The following ZRSR2 variants were observed in gnomAD, a reference collection of about 807,000 sequenced individuals.
ZRSR2 encodes zinc finger CCCH-type, RNA binding motif and serine/arginine rich 2.
In ZRSR2, 3 loss-of-function variants were observed where a neutral mutation model predicts 39.4. The observed-to-expected ratio is 0.08, with a 90% CI of 0.03 to 0.20. The LOEUF is 0.20. Ranked by LOEUF, ZRSR2 falls within the 10% of genes least tolerant of loss-of-function variation. ZRSR2 has a pLI of 1.00. For synonymous variants in ZRSR2, 137 were observed against 136.0 expected (o/e 1.01, Z -0.05); for missense variants, 256 against 391.5 (o/e 0.65, Z 2.92).
At chrX:15,820,131 G>C in intron 9 of ZRSR2, 76 bp from the exon 10 acceptor site, 1 of 826,686 alleles carries the variant, frequency 1.2e-6, no homozygotes. Flanking sequence ...ATTAATAACG[G>C]GGTTAATTAA....
In ZRSR2 at chrX:15,815,732, A is replaced by C; in HGVS notation, c.613A>C (p.Met205Leu). 1.7e-6 allele frequency: 2 copies of C among 1,210,859 alleles called. No homozygotes were observed. The highest frequency in any genetic ancestry group is 2.2e-6 in the Non-Finnish European group (2 of 894,807). The change falls in exon 8 of 11, where the codon ATG (methionine) becomes CTG (leucine). Residue 205 changes from methionine (M) to leucine (L), a missense_variant. Physicochemically the swap from Met to Leu is conservative, Grantham distance 15. Coordinates refer to ENST00000307771, the MANE Select transcript of ZRSR2 (RefSeq NM_005089.4). ...CAGTCCTACCCTTCTTATTAAGAGC[A>C]TGTTTACGACGTTTGGAATGGAGCA... ...TSSPTLLIKS[M>L]FTTFGMEQCR... is the part of the protein sequence containing the mutation.
chrX:15,804,781 G>C (rs1433273511), intron 5 of ZRSR2, among the ~76,000 whole-genome samples: 1 of 111,189 alleles, frequency 9.0e-6, no homozygotes, highest in African/African-American at 3.3e-5. Context: ...AAATATTGAG[G>C]AACTAGGAAA....
At chrX:15,791,140 C>A in intron 2 of ZRSR2, 127 bp downstream of exon 2, 1 of 556,613 alleles carries the variant, frequency 1.8e-6, no homozygotes, top group Non-Finnish European at 3.0e-6. Flanking sequence ...GTGACTTCTG[C>A]CCCCAAGTAG....
intron 2 of ZRSR2, 104 bp downstream of exon 2, chrX:15,791,117 A>G (rs547779707): frequency 2.8e-6 from 2 of 708,269 alleles, no homozygotes; most frequent in African/African-American, 4.3e-5. Flanking sequence ...ATTGTGTCGG[A>G]GGAAAAATAG....
intron 2 of ZRSR2, among the ~76,000 whole-genome samples, chrX:15,798,418 C>T (rs1932551591): frequency 8.9e-6 from 1 of 112,125 alleles, no homozygotes. Context: ...TATCCATGAA[C>T]CCTTCAGCAA....
intron 2 of ZRSR2, among the ~76,000 whole-genome samples, chrX:15,798,855 G>C (rs1932567070): frequency 9.0e-6 from 1 of 111,393 alleles, no homozygotes; most frequent in Admixed American, 9.6e-5. Context: ...TTCACATCAG[G>C]TTGTTGCACT....
chrX:15,823,022 G>T lies in ZRSR2; in HGVS notation c.1229G>T (p.Arg410Leu). 2.5e-6 allele frequency: 3 copies of T among 1,211,979 alleles called. No homozygotes were observed. In the South Asian group the frequency reaches 5.3e-5, roughly 21 times the overall value. The change falls in exon 11 of 11, where the codon CGC (arginine) becomes CTC (leucine). Residue 410 changes from arginine to leucine, a missense_variant. Around this residue, in one of 3 missense-constraint regions of ZRSR2, gnomAD observed 111 missense variants for 116.7 expected, o/e 0.95. Transcript: ENST00000307771. ...CACAGGGGGAAGAAATCTCACAAAC[G>T]CACATCAAAGAGTCGGGAGAGGCAC... is the stretch of plus-strand genomic sequence containing the variant. Reference protein sequence around the residue: ...SRHRGKKSHKRTSKSRERHNS... With the variant: ...SRHRGKKSHKLTSKSRERHNS...
intron 2 of ZRSR2, among the ~76,000 whole-genome samples, chrX:15,799,639 A>G (rs1477876508): frequency 9.1e-6 from 1 of 110,348 alleles, no homozygotes; most frequent in Non-Finnish European, 1.9e-5. Flanking sequence ...TTTAAGTATA[A>G]TTGTGGAACC....
intron 2 of ZRSR2, among the ~76,000 whole-genome samples, chrX:15,798,780 C>G (rs965586009): frequency 8.9e-6 from 1 of 112,120 alleles, no homozygotes; most frequent in East Asian, 2.8e-4. Context: ...GGTAACAACA[C>G]TCTTTAGAAC....
chrX:15,803,799 A>G lies in ZRSR2; in HGVS notation c.312+3A>G. On this transcript the variant is annotated splice_donor_region_variant and intron_variant, in intron 4 of 10. Coordinates refer to ENST00000307771, the MANE Select transcript of ZRSR2 (RefSeq NM_005089.4). The stretch of plus-strand genomic sequence containing the variant: ...AAAAACGGCAAGAAGAACAAGAGGT[A>G]TGGTAGGAATCACGTAACTAGTGAA... 9.3e-6 allele frequency: 11 copies of G among 1,185,628 alleles called. No individual in the cohort carries two copies. The highest frequency in any genetic ancestry group is 1.2e-5 in the Non-Finnish European group (11 of 881,492).
Position 15,809,353 on chromosome X carries a change from T to C in ZRSR2, c.557+35T>C, listed in dbSNP as rs759071060. 8 of 1,010,443 alleles carry C rather than the reference T, an allele frequency of 7.9e-6. No homozygotes were observed. The African/African-American group carries it at 1.3e-4, about 17-fold the overall frequency. 83.3% of individuals were successfully genotyped at this position (1,010,443 alleles called of 1,213,427 possible). A position where few individuals can be genotyped will look rare whatever the true frequency, so the allele number is the denominator to read the frequency against. On this transcript the variant is annotated intron_variant, in intron 7 of 10. Transcript: ENST00000307771. ...TTTGTTTTATCATGTCAGAATGAAG[T>C]GATTCAAAATGCTGACGTTTTTGAG...
Position 15,822,904 on chromosome X carries a change from G to A in ZRSR2, c.1111G>A (p.Asp371Asn), listed in dbSNP as rs1420213041. 8.2e-7 allele frequency: 1 copy of A among 1,212,256 alleles called. No individual in the cohort carries two copies. Among genetic ancestry groups the A allele is most frequent in the South Asian group, 1.8e-5 (1 of 57,046 alleles). ...AAGGAGGGAGAGGATGGGCCACCACGACGACTACTACAGCAGGCTGCGGGG... is the reference window on the plus strand; with the variant it reads ...AAGGAGGGAGAGGATGGGCCACCACAACGACTACTACAGCAGGCTGCGGGG... ...SERRERMGHH[D>N]DYYSRLRGRR... is the part of the protein sequence containing the mutation. The change falls in exon 11 of 11, where the codon GAC becomes AAC. Residue 371 changes from aspartate (D) to asparagine (N), a missense_variant. Transcript: ENST00000307771.
intron 5 of ZRSR2, 88 bp from the exon 6 acceptor site, chrX:15,808,145 G>T: frequency 1.2e-6 from 1 of 804,840 alleles, no homozygotes; most frequent in Non-Finnish European, 1.9e-6. Context: ...TGTTTTAATT[G>T]TTCCACTTGA....
rs776065641 is a variant in ZRSR2 at position 15,790,829 on chromosome X, C to T, written c.42-105C>T. ...AAATACAGGAAGCAAGGTTTCTCTC[C>T]TCAGCACCCGAACTATTTCCTTTCA... On this transcript the variant is annotated intron_variant, in intron 1 of 10. Coordinates refer to ENST00000307771, the MANE Select transcript of ZRSR2 (RefSeq NM_005089.4). The T allele has an allele frequency of 3.0e-5, 25 of 819,753 alleles. No homozygotes were observed. In the African/African-American group the frequency reaches 3.3e-4, roughly 11 times the overall value. 67.6% of individuals were successfully genotyped at this position (819,753 alleles called of 1,213,427 possible).
rs768258706 is a variant in ZRSR2 at position 15,820,268 on chromosome X, C to T, written c.889C>T (p.Leu297=). 13 of 1,211,847 alleles carry T rather than the reference C, an allele frequency of 1.1e-5. No individual in the cohort carries two copies. The South Asian group carries it at 2.3e-4, about 21-fold the overall frequency. The stretch of plus-strand genomic sequence containing the variant: ...CGGACGATGGTATGCAGGACGACAG[C>T]TGCAGTGTGAATTCTGCCCCGTGAC... ...FNGRWYAGRQ[L]QCEFCPVTRW... is the part of the protein sequence containing the mutation. The change falls in exon 10 of 11, where the codon CTG becomes TTG. Residue 297 remains leucine (L), a synonymous_variant. Transcript: ENST00000307771.
intron 7 of ZRSR2, among the ~76,000 whole-genome samples, chrX:15,813,479 G>A (rs967314853): frequency 5.4e-5 from 6 of 112,114 alleles, no homozygotes; most frequent in Admixed American, 9.5e-5. Context: ...ACTTCTCTTA[G>A]CTGAGTTTTC....
chrX:15,816,928 C>G (rs749497273), intron 8 of ZRSR2, among the ~76,000 whole-genome samples: 1 of 111,340 alleles, frequency 9.0e-6, no homozygotes, highest in Non-Finnish European at 1.9e-5. Context: ...CTTCACATTA[C>G]TTGTCAGCAC....
In ZRSR2 at chrX:15,823,181, G is replaced by C. The variant is rs1270699895; in HGVS notation, c.1388G>C (p.Ser463Thr). ...SRSQSSSRSR[S>T]RGRRRSGNRD... ...AGCCAAAGTTCCTCTAGGTCCCGAAGTCGTGGCAGGAGGAGGTCGGGTAAT... is the reference window on the plus strand; with the variant it reads ...AGCCAAAGTTCCTCTAGGTCCCGAACTCGTGGCAGGAGGAGGTCGGGTAAT... Residue 463 changes from serine to threonine, a missense_variant, in exon 11 of 11, where the codon AGT becomes ACT. Around this residue, in one of 3 missense-constraint regions of ZRSR2, gnomAD observed 111 missense variants for 116.7 expected, o/e 0.95. Coordinates refer to ENST00000307771, the MANE Select transcript of ZRSR2 (RefSeq NM_005089.4). 1 of 1,199,897 alleles carries C rather than the reference G, an allele frequency of 8.3e-7. No homozygotes were observed.
At chrX:15,809,816 G>GA (rs1198356651) in intron 7 of ZRSR2, among the ~76,000 whole-genome samples, 66 of 97,889 alleles carry the variant, frequency 6.7e-4, no homozygotes, top group East Asian at 2.9e-3. Context: ...TCTCAAAAAA[G>GA]AAAAAAAAAA....
Sources: gnomAD v4.1 joint callset for allele counts (sites outside exome capture counted in the v4.1 genomes callset) on GRCh38, gnomAD v4.1.1 for gene constraint, gnomAD v4.1.1 regional missense constraint, MANE v1.5 for transcripts, NCBI Gene and HGNC (gene_info 2026-07-23, HGNC 2026-07-21) for gene names.